Variants in KCNMB2 observed in about 807,000 individuals in gnomAD.
The protein encoded by KCNMB2 is calcium-activated potassium channel subunit beta-2.
Under a neutral mutation model 24.5 loss-of-function variants are expected in KCNMB2, and 9 were observed. The ratio of observed to expected loss-of-function variants is 0.37; its 90% CI spans 0.22 to 0.64. The LOEUF is 0.64. KCNMB2 is among the 30% of genes least tolerant of loss of function. The pLI, the probability that KCNMB2 is intolerant of heterozygous loss-of-function variation, is 0.63. For synonymous variants in KCNMB2, 109 were observed against 104.4 expected (o/e 1.04, Z -0.27); for missense variants, 226 against 284.3 (o/e 0.79, Z 1.47).
At chr3:178,614,116 G>C (rs1339825329) in intron 1 of KCNMB2, among the ~76,000 whole-genome samples, 1 of 147,612 alleles carries the variant, frequency 6.8e-6, no homozygotes, top group Non-Finnish European at 1.5e-5. Flanking sequence ...TTAGTATGCC[G>C]ATAGCATTTT....
At chr3:178,828,992 T>G (rs1714951233) in intron 4 of KCNMB2, among the ~76,000 whole-genome samples, 1 of 151,698 alleles carries the variant, frequency 6.6e-6, no homozygotes, top group Non-Finnish European at 1.5e-5. Context: ...ATATGTTATA[T>G]TCATAGAGGC....
chr3:178,651,292 C>T (rs973409437), intron 1 of KCNMB2, among the ~76,000 whole-genome samples: 5 of 152,054 alleles, frequency 3.3e-5, no homozygotes, highest in African/African-American at 1.2e-4. Flanking sequence ...AACAGAGAGC[C>T]AAATCATGAG....
rs1384639094 is a variant in KCNMB2 at position 178,843,693 on chromosome 3, G to C, written c.*756G>C. ...CTGTGAGCTGACTGAATGTTGGTAGGTGCTCCATTACAATCCAGGAAAGTC... is the reference window on the plus strand; with the variant it reads ...CTGTGAGCTGACTGAATGTTGGTAGCTGCTCCATTACAATCCAGGAAAGTC... On this transcript the variant is annotated 3_prime_UTR_variant, in exon 5 of 5. Transcript: ENST00000452583. 6.6e-6 allele frequency: 1 copy of C among 152,342 alleles called. No homozygotes were observed. Among genetic ancestry groups the C allele is most frequent in the East Asian group, 1.9e-4 (1 of 5,198 alleles). The allele number at this position is 152,342 out of a possible 1,614,324, so 9.4% of individuals were successfully genotyped here. A position where few individuals can be genotyped will look rare whatever the true frequency, so the allele number is the denominator to read the frequency against.
intron 1 of KCNMB2, among the ~76,000 whole-genome samples, chr3:178,655,128 CTCTCTCTCTCTCTCTA>C (rs1480961595): frequency 1.2e-3 from 178 of 151,436 alleles, no homozygotes; most frequent in African/African-American, 3.9e-3. Flanking sequence ...CTCTCTCTCT[CTCTCTCTCTCTCTCTA>C]TCTCTATTTC....
chr3:178,789,026 T>C (rs964427538), intron 1 of KCNMB2, among the ~76,000 whole-genome samples: 3 of 152,172 alleles, frequency 2.0e-5, no homozygotes, highest in African/African-American at 7.2e-5. Context: ...TTTTCACAGA[T>C]GGTGAAACTG....
intron 1 of KCNMB2, among the ~76,000 whole-genome samples, chr3:178,681,573 T>A (rs1047267247): frequency 1.3e-5 from 2 of 152,226 alleles, no homozygotes; most frequent in African/African-American, 4.8e-5. Flanking sequence ...CAAGATAATG[T>A]TATGTCAAGT....
chr3:178,746,385 C>T (rs182987136), intron 1 of KCNMB2, among the ~76,000 whole-genome samples: 2 of 152,088 alleles, frequency 1.3e-5, no homozygotes, highest in Admixed American at 1.3e-4. Flanking sequence ...AGGCTGCACA[C>T]AGCTGGGGCC....
intron 1 of KCNMB2, among the ~76,000 whole-genome samples, chr3:178,668,429 G>A (rs1206339906): frequency 6.6e-6 from 1 of 152,050 alleles, no homozygotes; most frequent in Non-Finnish European, 1.5e-5. Flanking sequence ...AGGAGTTGTG[G>A]ACCCCAAGCT....
intron 1 of KCNMB2, among the ~76,000 whole-genome samples, chr3:178,700,001 C>T (rs1442358247): frequency 6.6e-6 from 1 of 152,204 alleles, no homozygotes; most frequent in African/African-American, 2.4e-5. Context: ...TGTGCAATGG[C>T]CCATGCAAGG....
At chr3:178,612,778 T>C (rs967509407) in intron 1 of KCNMB2, among the ~76,000 whole-genome samples, 4 of 152,220 alleles carry the variant, frequency 2.6e-5, no homozygotes, top group African/African-American at 9.6e-5. Context: ...TGTCATTTTG[T>C]TATTTGTTTT....
chr3:178,647,519 T>G (rs1719960684), intron 1 of KCNMB2, among the ~76,000 whole-genome samples: 1 of 152,182 alleles, frequency 6.6e-6, no homozygotes, highest in Non-Finnish European at 1.5e-5. Flanking sequence ...CTTATAAGCT[T>G]AAAAAAGTTA....
intron 1 of KCNMB2, among the ~76,000 whole-genome samples, chr3:178,613,103 CAA>C (rs1406133928): frequency 6.6e-6 from 1 of 152,128 alleles, no homozygotes; most frequent in Non-Finnish European, 1.5e-5. Flanking sequence ...ACTGTAATGA[CAA>C]AGAGTTGTTA....
In KCNMB2 at chr3:178,550,452, C is replaced by T. The variant is rs556748708; in HGVS notation, c.-68+13741C>T. Among the ~76,000 whole-genome samples, 239 of 103,544 alleles carry T rather than the reference C, an allele frequency of 2.3e-3. 1 individual carries two copies. Among genetic ancestry groups the T allele is most frequent in the Non-Finnish European group, 3.8e-3 (211 of 55,786 alleles). The allele number at this position is 103,544 out of a possible 152,430, so 67.9% of individuals were successfully genotyped here. On this transcript the variant is annotated intron_variant, in intron 1 of 4. Transcript: ENST00000452583. ...CAGCCTGGGCGACAGAGCGAGACTC[C>T]GTCTCAAAAAAAAAAAAAAAAAAAA...
intron 1 of KCNMB2, among the ~76,000 whole-genome samples, chr3:178,738,366 T>G (rs969277316): frequency 2.0e-5 from 3 of 152,218 alleles, no homozygotes; most frequent in African/African-American, 7.2e-5. Flanking sequence ...GCAAGATGGA[T>G]GTTTTTACAA....
intron 1 of KCNMB2, among the ~76,000 whole-genome samples, chr3:178,543,217 G>A (rs1455790388): frequency 6.6e-6 from 1 of 151,736 alleles, no homozygotes; most frequent in East Asian, 1.9e-4. Context: ...TATGACATTT[G>A]CTCACTGCTT....
chr3:178,560,727 G>A (rs142119186), intron 1 of KCNMB2, among the ~76,000 whole-genome samples: 4 of 152,328 alleles, frequency 2.6e-5, no homozygotes, highest in Non-Finnish European at 5.9e-5. Context: ...TGAGCACTAC[G>A]TGTTGGGGAT....
chr3:178,592,895 T>C (rs77315638), intron 1 of KCNMB2, among the ~76,000 whole-genome samples: 2 of 152,154 alleles, frequency 1.3e-5, no homozygotes, highest in East Asian at 1.9e-4. Context: ...GTTTTCTTTT[T>C]TCGTGTGACT....
chr3:178,712,413 C>A (rs182870044), intron 1 of KCNMB2, among the ~76,000 whole-genome samples: 3 of 152,094 alleles, frequency 2.0e-5, no homozygotes, highest in African/African-American at 7.2e-5. Context: ...TACGTTGACT[C>A]GACAAATATT....
intron 1 of KCNMB2, among the ~76,000 whole-genome samples, chr3:178,671,107 C>G (rs1720883361): frequency 6.7e-6 from 1 of 149,074 alleles, no homozygotes; most frequent in Non-Finnish European, 1.5e-5. Context: ...CACCACCCCC[C>G]ACCCCAAAAC....
Sources: allele counts gnomAD v4.1 joint callset (sites outside exome capture counted in the v4.1 genomes callset), GRCh38; gene constraint gnomAD v4.1.1; transcripts MANE v1.5; gene names NCBI Gene and HGNC (gene_info 2026-07-23, HGNC 2026-07-21).